GNS: variants seen among roughly 807,000 people sequenced by gnomAD.
The protein encoded by GNS is N-acetylglucosamine-6-sulfatase.
GNS carries 40 observed loss-of-function variants against 69.7 expected under a neutral mutation model. The observed-to-expected ratio is 0.57, with a 90% CI of 0.45 to 0.75. GNS has a LOEUF of 0.75. Among genes scored for constraint, GNS ranks in the 30% least tolerant of loss-of-function variants. GNS has a pLI of 0.00. For missense variants in GNS, 565 were observed against 685.5 expected (o/e 0.82, Z 1.96); for synonymous variants, 243 against 251.6 (o/e 0.97, Z 0.32).
chr12:64,749,245 TG>T (rs1869996636), intron 2 of GNS, among the ~76,000 whole-genome samples: 2 of 133,162 alleles, frequency 1.5e-5, no homozygotes, highest in South Asian at 4.9e-4. Flanking sequence ...GGCCTTGATT[TG>T]GCTTTTTTTT....
chr12:64,725,752 T>A (rs552928723), intron 10 of GNS, among the ~76,000 whole-genome samples: 144 of 152,094 alleles, frequency 9.5e-4, no homozygotes, highest in Admixed American at 4.3e-3. Flanking sequence ...ATCCCAGCAC[T>A]TTAGGAGGCC....
intron 1 of GNS, chr12:64,753,052 A>C: frequency 2.4e-6 from 1 of 413,848 alleles, no homozygotes; most frequent in Middle Eastern, 6.7e-4. Flanking sequence ...CAGATAGGGC[A>C]GACCTATCTC....
Position 64,722,826 on chromosome 12 carries a change from G to C in GNS, c.1308+180C>G. On this transcript the variant is annotated intron_variant, in intron 11 of 13. Transcript: ENST00000258145. ...ATTAACAGTGCACATTCTGATGACAGGTCAGCAGCATCATTTCCAAGATCA... is the reference window on the plus strand; with the variant it reads ...ATTAACAGTGCACATTCTGATGACACGTCAGCAGCATCATTTCCAAGATCA... The C allele has an allele frequency of 4.9e-6, 3 of 615,630 alleles. No homozygotes were observed. The South Asian group carries it at 5.4e-5, about 11-fold the overall frequency. 38.1% of individuals were successfully genotyped at this position (615,630 alleles called of 1,614,324 possible). A position where few individuals can be genotyped will look rare whatever the true frequency, so the allele number is the denominator to read the frequency against.
At chr12:64,739,635 GT>G (rs56380290) in intron 7 of GNS, 136 bp from the exon 8 acceptor site, 1 of 606,658 alleles carries the variant, frequency 1.6e-6, no homozygotes. Flanking sequence ...AACAACCCCC[GT>G]TTAAAAAAAA....
At chr12:64,734,003 G>C (rs1230173116) in intron 9 of GNS, among the ~76,000 whole-genome samples, 3 of 152,222 alleles carry the variant, frequency 2.0e-5, no homozygotes, top group Non-Finnish European at 2.9e-5. Context: ...GCTGCTGACA[G>C]CTCAGCTCAT....
intron 10 of GNS, among the ~76,000 whole-genome samples, chr12:64,725,912 C>T (rs1403849196): frequency 2.2e-5 from 3 of 135,520 alleles, no homozygotes; most frequent in South Asian, 2.5e-4. Context: ...AGGAGAATGG[C>T]GTGAACCAGG....
chr12:64,715,081 A>G lies in GNS; in HGVS notation c.*1660T>C, dbSNP rs1272888642. On this transcript the variant is annotated 3_prime_UTR_variant, in exon 14 of 14. Coordinates refer to ENST00000258145, the MANE Select transcript of GNS (RefSeq NM_002076.4). Reference sequence around the variant, plus strand: ...TAAAGCTGGACAGAAGACTTTAAATAAAGCTAAAATCGCTTATTGCCTGAG... The same window carrying G: ...TAAAGCTGGACAGAAGACTTTAAATGAAGCTAAAATCGCTTATTGCCTGAG... 1 of 152,654 alleles carries G rather than the reference A, an allele frequency of 6.6e-6. No homozygotes were observed. The highest frequency in any genetic ancestry group is 1.5e-5 in the Non-Finnish European group (1 of 68,036). The allele number at this position is 152,654 out of a possible 1,614,324, so 9.5% of individuals were successfully genotyped here. A position where few individuals can be genotyped will look rare whatever the true frequency, so the allele number is the denominator to read the frequency against.
intron 10 of GNS, among the ~76,000 whole-genome samples, chr12:64,724,062 G>A (rs1869116251): frequency 6.6e-6 from 1 of 152,220 alleles, no homozygotes; most frequent in Non-Finnish European, 1.5e-5. Flanking sequence ...GACCAGGTTA[G>A]AAGCTGCTCT....
At chr12:64,749,918 G>A (rs977626916) in intron 2 of GNS, among the ~76,000 whole-genome samples, 3 of 136,468 alleles carry the variant, frequency 2.2e-5, no homozygotes, top group Admixed American at 8.0e-5. Context: ...CTCTGTCACC[G>A]AGGATGGAGT....
intron 8 of GNS, among the ~76,000 whole-genome samples, chr12:64,738,073 G>A (rs956971487): frequency 1.3e-5 from 2 of 151,394 alleles, no homozygotes; most frequent in African/African-American, 4.9e-5. Flanking sequence ...GCAGTGGCAC[G>A]ATCTTGGCTT....
chr12:64,751,950 T>TAAAA (rs1226068907), intron 2 of GNS, among the ~76,000 whole-genome samples: 1 of 78,112 alleles, frequency 1.3e-5, no homozygotes, highest in African/African-American at 5.1e-5. Flanking sequence ...ATTGCGCCAC[T>TAAAA]CAAAAAAAAA....
chr12:64,719,832 T>C (rs926322423), intron 13 of GNS, among the ~76,000 whole-genome samples, 190 bp downstream of exon 13: 3 of 152,146 alleles, frequency 2.0e-5, no homozygotes, highest in African/African-American at 7.2e-5. Flanking sequence ...AAGTAACAAC[T>C]GGCAGTGGAG....
At chr12:64,735,046 C>T (rs905749304) in intron 9 of GNS, among the ~76,000 whole-genome samples, 12 of 152,206 alleles carry the variant, frequency 7.9e-5, no homozygotes, top group African/African-American at 2.6e-4. Context: ...GGAGGCGGAG[C>T]TTGCAGTGAG....
intron 12 of GNS, 105 bp from the exon 13 acceptor site, chr12:64,720,287 A>T: frequency 3.3e-6 from 2 of 599,976 alleles, no homozygotes; most frequent in Admixed American, 2.7e-5. Flanking sequence ...AGGTAGATTA[A>T]AAAAAAAAAA....
intron 2 of GNS, among the ~76,000 whole-genome samples, chr12:64,751,969 A>G (rs1870092925): frequency 6.6e-6 from 1 of 151,328 alleles, no homozygotes; most frequent in Non-Finnish European, 1.5e-5. Flanking sequence ...AAAAAAAAAA[A>G]AGAAGAAAGA....
chr12:64,751,617 A>C (rs1023407903), intron 2 of GNS, among the ~76,000 whole-genome samples: 2 of 152,212 alleles, frequency 1.3e-5, no homozygotes, highest in African/African-American at 2.4e-5. Flanking sequence ...AAGAACATTC[A>C]ATTTTCCTTC....
chr12:64,732,173 T>TTTTTG (rs1869420042), intron 9 of GNS, among the ~76,000 whole-genome samples: 1 of 112,364 alleles, frequency 8.9e-6, no homozygotes. Context: ...TTTGTTGTTT[T>TTTTTG]TTTTTTTTTT....
chr12:64,722,930 T>G lies in GNS; in HGVS notation c.1308+76A>C, dbSNP rs1163599513. ...AGGACTCAGATGAAAGGTTTCAATA[T>G]TTGACACATGGCAACCAGCACCTTG... On this transcript the variant is annotated intron_variant, in intron 11 of 13. Transcript: ENST00000258145. 10 of 883,198 alleles carry G rather than the reference T, an allele frequency of 1.1e-5. No individual in the cohort carries two copies. In the Admixed American group the frequency reaches 1.5e-4, roughly 14 times the overall value. 54.7% of individuals were successfully genotyped at this position (883,198 alleles called of 1,614,324 possible). A position where few individuals can be genotyped will look rare whatever the true frequency, so the allele number is the denominator to read the frequency against.
chr12:64,733,892 A>G (rs1424874070), intron 9 of GNS, among the ~76,000 whole-genome samples: 1 of 152,206 alleles, frequency 6.6e-6, no homozygotes, highest in African/African-American at 2.4e-5. Flanking sequence ...AGAAAACGTC[A>G]ATAGTCAATC....
Sources: gnomAD v4.1 joint callset for allele counts (sites outside exome capture counted in the v4.1 genomes callset) on GRCh38, gnomAD v4.1.1 for gene constraint, MANE v1.5 for transcripts, NCBI Gene and HGNC (gene_info 2026-07-23, HGNC 2026-07-21) for gene names.